Variants in NEGR1 observed in about 807,000 individuals in gnomAD.
The protein encoded by NEGR1 is IgLON family member 4.
In NEGR1, 10 loss-of-function variants were observed where a neutral mutation model predicts 40.9. That is an observed-to-expected ratio of 0.24 (90% CI 0.15 to 0.42). The LOEUF (loss-of-function observed/expected upper bound fraction) is 0.42. Among genes scored for constraint, NEGR1 ranks in the 10% least tolerant of loss-of-function variants. The probability of loss-of-function intolerance (pLI) is 1.00; values close to 1 mark genes in which losing one functional copy is unlikely to be tolerated. For missense variants in NEGR1, 352 were observed against 438.9 expected, an observed-to-expected ratio of 0.80 and a Z score of 1.77; for synonymous variants, 185 against 166.8, an observed-to-expected ratio of 1.11 and a Z score of -0.84.
chr1:71,873,145 A>AGAC (rs1448358275), intron 2 of NEGR1, among the ~76,000 whole-genome samples: 3 of 150,930 alleles, frequency 2.0e-5, no homozygotes, highest in South Asian at 2.1e-4. Context: ...AAAAAGACAA[A>AGAC]TAGAGTATTT....
chr1:71,780,040 C>CAAAA (rs57576840), intron 2 of NEGR1, among the ~76,000 whole-genome samples: 24 of 99,738 alleles, frequency 2.4e-4, no homozygotes, highest in East Asian at 5.6e-4. Context: ...ATAGGAAAAC[C>CAAAA]AAAAAAAAAA....
intron 1 of NEGR1, among the ~76,000 whole-genome samples, chr1:72,158,947 T>G (rs1651458580): frequency 6.6e-6 from 1 of 152,170 alleles, no homozygotes; most frequent in Admixed American, 6.6e-5. Context: ...TAATTCAACA[T>G]GTTAAACTGA....
Position 71,545,254 on chromosome 1 carries a change from A to G in NEGR1, c.940+47563T>C, listed in dbSNP as rs139940286. ...TTCAGGATCTGTTTGTCTGCCTTTG[A>G]CCAGTCTACAGAAGGAACAAGGGGT... On this transcript the variant is annotated intron_variant, in intron 6 of 6. Coordinates refer to ENST00000357731, the MANE Select transcript of NEGR1 (RefSeq NM_173808.3). 2.0e-5 allele frequency among the ~76,000 whole-genome samples: 3 copies of G among 151,732 alleles called. No homozygotes were observed. In the East Asian group the frequency reaches 5.9e-4, roughly 30 times the overall value.
chr1:71,510,480 A>G (rs1647065249), intron 6 of NEGR1, among the ~76,000 whole-genome samples: 1 of 152,208 alleles, frequency 6.6e-6, no homozygotes, highest in South Asian at 2.1e-4. Context: ...CCGGCCTACA[A>G]ATGTAACAAA....
intron 1 of NEGR1, among the ~76,000 whole-genome samples, chr1:72,074,998 TA>T (rs1382644771): frequency 3.9e-5 from 6 of 152,096 alleles, no homozygotes; most frequent in Non-Finnish European, 7.4e-5. Flanking sequence ...AGGACATAAA[TA>T]AAGACAACCT....
intron 3 of NEGR1, among the ~76,000 whole-genome samples, chr1:71,767,474 A>G (rs1317267450): frequency 1.3e-5 from 2 of 152,198 alleles, no homozygotes; most frequent in Non-Finnish European, 1.5e-5. Flanking sequence ...GTGTTCAAGA[A>G]GTAGCCTGGC....
intron 1 of NEGR1, among the ~76,000 whole-genome samples, chr1:72,078,547 T>G (rs1258881164): frequency 6.6e-6 from 1 of 151,524 alleles, no homozygotes; most frequent in Non-Finnish European, 1.5e-5. Context: ...ATGTATTACA[T>G]GTAAAAATTC....
intron 5 of NEGR1, among the ~76,000 whole-genome samples, chr1:71,604,372 C>T (rs1650016571): frequency 6.6e-6 from 1 of 152,010 alleles, no homozygotes; most frequent in African/African-American, 2.4e-5. Context: ...TCAAAATTTT[C>T]CTACATACAA....
intron 1 of NEGR1, among the ~76,000 whole-genome samples, chr1:72,129,095 A>T (rs966332947): frequency 1.3e-5 from 2 of 152,168 alleles, no homozygotes; most frequent in African/African-American, 4.8e-5. Flanking sequence ...TTTCCGGCTC[A>T]CAGATGTCAG....
At chr1:71,420,797 A>G (rs922451144) in intron 6 of NEGR1, among the ~76,000 whole-genome samples, 8 of 152,082 alleles carry the variant, frequency 5.3e-5, no homozygotes, top group Middle Eastern at 3.2e-3. Context: ...TCATGCTTTT[A>G]TAACGCTCAT....
chr1:71,609,091 T>TA (rs1252078746), intron 5 of NEGR1, among the ~76,000 whole-genome samples: 1 of 152,030 alleles, frequency 6.6e-6, no homozygotes, highest in Non-Finnish European at 1.5e-5. Flanking sequence ...TACTAAGCTA[T>TA]AAAAAGGCAA....
At chr1:71,496,390 G>C (rs1264334435) in intron 6 of NEGR1, among the ~76,000 whole-genome samples, 1 of 152,146 alleles carries the variant, frequency 6.6e-6, no homozygotes. Flanking sequence ...CAGAAATGGT[G>C]ATGGGTTGAT....
At chr1:71,651,647 C>G (rs771954120) in intron 4 of NEGR1, among the ~76,000 whole-genome samples, 14 of 152,062 alleles carry the variant, frequency 9.2e-5, no homozygotes, top group Non-Finnish European at 1.8e-4. Context: ...TATGTGACTT[C>G]AGTATCTTTG....
chr1:72,174,022 A>G (rs916339975), intron 1 of NEGR1, among the ~76,000 whole-genome samples: 1 of 152,042 alleles, frequency 6.6e-6, no homozygotes, highest in African/African-American at 2.4e-5. Context: ...TAATCAAACT[A>G]CTTTCTCATT....
rs1448905652 is a variant in NEGR1, at chr1:71,943,035, T to C, written c.177-7724A>G. On this transcript the variant is annotated intron_variant, in intron 1 of 6. Coordinates refer to ENST00000357731, the MANE Select transcript of NEGR1 (RefSeq NM_173808.3). ...ATATATGTGTATATATATACACACA[T>C]ACATATATATGTGTATATATATGTG... 1.5e-5 allele frequency among the ~76,000 whole-genome samples: 2 copies of C among 129,342 alleles called. 1 individual carries two copies. The highest frequency in any genetic ancestry group is 5.6e-5 in the African/African-American group (2 of 35,952). The allele number at this position is 129,342 out of a possible 152,430, so 84.9% of individuals were successfully genotyped here.
At position 71,718,715 on chromosome 1, in the gene NEGR1, AT is replaced by A. The variant is rs1043169834; in HGVS notation, c.536-20577del. Among the ~76,000 whole-genome samples, 9 of 152,246 alleles carry A rather than the reference AT, an allele frequency of 5.9e-5. No homozygotes were observed. In the South Asian group the frequency reaches 1.2e-3, roughly 21 times the overall value. On this transcript the variant is annotated intron_variant, in intron 3 of 6. Transcript: ENST00000357731. ...CACAGGATATATAAAAAAGCCTGCC[AT>A]TTTTTTAATACAATCAGTTTTTCTC...
At chr1:71,744,537 G>C (rs1225175392) in intron 3 of NEGR1, among the ~76,000 whole-genome samples, 1 of 151,930 alleles carries the variant, frequency 6.6e-6, no homozygotes, top group Non-Finnish European at 1.5e-5. Flanking sequence ...AACTGGCCTA[G>C]TATCGTGTCT....
intron 6 of NEGR1, among the ~76,000 whole-genome samples, chr1:71,581,463 A>T (rs971820975): frequency 2.0e-5 from 3 of 152,156 alleles, no homozygotes; most frequent in African/African-American, 4.8e-5. Context: ...CATCTAACTC[A>T]TTACCACAAA....
intron 1 of NEGR1, among the ~76,000 whole-genome samples, chr1:72,021,484 T>C (rs1223473768): frequency 2.6e-5 from 4 of 152,014 alleles, no homozygotes; most frequent in Non-Finnish European, 5.9e-5. Flanking sequence ...AGAAAATTAA[T>C]ATTAGCAAAT....
Sources: gnomAD v4.1 joint callset for allele counts (sites outside exome capture counted in the v4.1 genomes callset) on GRCh38, gnomAD v4.1.1 for gene constraint, MANE v1.5 for transcripts, NCBI Gene and HGNC (gene_info 2026-07-23, HGNC 2026-07-21) for gene names.